LRRFIP1: variants seen among roughly 807,000 people sequenced by gnomAD.
The protein encoded by LRRFIP1 is leucine-rich repeat flightless-interacting protein 1.
In LRRFIP1, 62 loss-of-function variants were observed where a neutral mutation model predicts 104.4. The ratio of observed to expected loss-of-function variants is 0.59; its 90% confidence interval spans 0.48 to 0.73. The LOEUF is 0.73. LRRFIP1 is among the 30% of genes least tolerant of loss of function. The probability of loss-of-function intolerance (pLI) is 0.00; values close to 1 mark genes in which losing one functional copy is unlikely to be tolerated. For missense variants in LRRFIP1, 796 were observed against 824.5 expected, an observed-to-expected ratio of 0.97 and a Z score of 0.42; for synonymous variants, 300 against 299.0, an observed-to-expected ratio of 1.00 and a Z score of -0.03.
At chr2:237,706,365 C>G (rs1008110112) in intron 1 of LRRFIP1, among the ~76,000 whole-genome samples, 2 of 152,132 alleles carry the variant, frequency 1.3e-5, no homozygotes, top group African/African-American at 2.4e-5. Flanking sequence ...TGCATGGCCT[C>G]CCTTCTCTTT....
chr2:237,735,238 G>A lies in LRRFIP1; in HGVS notation c.490-30G>A, dbSNP rs568839525. The A allele has an allele frequency of 8.8e-6, 14 of 1,596,848 alleles. No homozygotes were observed. Among genetic ancestry groups the A allele is most frequent in the Middle Eastern group, 1.7e-4 (1 of 6,024 alleles). On this transcript the variant is annotated intron_variant, in intron 9 of 23. Transcript: ENST00000308482. This position sits in a 1 kb window ranked among gnomAD's most constrained non-coding sequence, Gnocchi z 4.6. ...GGGCACTCTTGGAGAAAGGAAGAGC[G>A]CCCATCCTGACAGTCTCTTTTGGTC...
intron 2 of LRRFIP1, 42 bp from the exon 3 acceptor site, chr2:237,714,217 A>C: frequency 6.8e-7 from 1 of 1,475,706 alleles, no homozygotes; most frequent in East Asian, 2.3e-5. Context: ...TGCTTCTTTA[A>C]TTGGATTTTA....
chr2:237,699,961 C>G (rs578038470), intron 1 of LRRFIP1, among the ~76,000 whole-genome samples: 10 of 152,310 alleles, frequency 6.6e-5, no homozygotes, highest in Non-Finnish European at 7.3e-5. Flanking sequence ...CCCACATGAG[C>G]ATTTCTTTTG....
At chr2:237,773,641 G>A (rs1011724991) in intron 22 of LRRFIP1, among the ~76,000 whole-genome samples, 7 of 152,130 alleles carry the variant, frequency 4.6e-5, no homozygotes, top group African/African-American at 1.4e-4. Flanking sequence ...TTGCAGCGAG[G>A]CCCGCCCTCC....
intron 15 of LRRFIP1, among the ~76,000 whole-genome samples, chr2:237,753,884 T>C (rs919254354): frequency 3.3e-5 from 5 of 151,882 alleles, no homozygotes; most frequent in Admixed American, 6.6e-5. Flanking sequence ...TATGTATGTA[T>C]ATATAATGTA....
rs140463396 is a variant in LRRFIP1, at chr2:237,777,594, C to G, written c.1813-1828C>G. ...TTAACGGTCGGTCCTTTGTAGGGAC[C>G]TTTTTTTTTCTTCTCTAGTTTCTTT... On this transcript the variant is annotated intron_variant, in intron 23 of 23. Transcript: ENST00000308482. 5.1e-3 allele frequency among the ~76,000 whole-genome samples: 768 copies of G among 150,820 alleles called. 4 individuals carry two copies. The highest frequency in any genetic ancestry group is 0.018 in the African/African-American group (739 of 41,094).
intron 15 of LRRFIP1, among the ~76,000 whole-genome samples, chr2:237,755,447 G>T (rs56258701): frequency 0.02 from 2,983 of 152,306 alleles, 44 homozygotes; most frequent in Middle Eastern, 0.044. Context: ...TTGCAGGGCA[G>T]CCTCACCCAG....
rs1210179563 is a variant in LRRFIP1 at position 237,727,860 on chromosome 2, T to C, written c.385-16T>C. The C allele has an allele frequency of 1.9e-6, 3 of 1,597,796 alleles. No individual in the cohort carries two copies. The highest frequency in any genetic ancestry group is 1.1e-5 in the South Asian group (1 of 88,744). On this transcript the variant is annotated splice_polypyrimidine_tract_variant and intron_variant, in intron 7 of 23. Transcript: ENST00000308482. ...GTGTACTGATGTCAGTTTTTCTCTT[T>C]TCTTCATTGAAACAGACAAATGGTT... is the stretch of plus-strand genomic sequence containing the variant.
intron 1 of LRRFIP1, among the ~76,000 whole-genome samples, chr2:237,693,908 G>T (rs1452000376): frequency 6.6e-6 from 1 of 152,176 alleles, no homozygotes; most frequent in Non-Finnish European, 1.5e-5. Flanking sequence ...GGCGGGTCTG[G>T]GTTCAGATGA....
At chr2:237,698,223 A>G (rs1029343663) in intron 1 of LRRFIP1, among the ~76,000 whole-genome samples, 2 of 152,244 alleles carry the variant, frequency 1.3e-5, no homozygotes, top group Admixed American at 1.3e-4. Context: ...TGTACAAATA[A>G]TTCACCTCTG....
rs539603882 is a variant in LRRFIP1 at position 237,640,678 on chromosome 2, T to C, written c.96+12938T>C. Among the ~76,000 whole-genome samples, 6 of 152,356 alleles carry C rather than the reference T, an allele frequency of 3.9e-5. No homozygotes were observed. In the East Asian group the frequency reaches 1.2e-3, roughly 29 times the overall value. ...ACATTGCCGAACTTCTTAAAATAGA[T>C]GACCAGATCATTGTCTTGTTCGGAA... On this transcript the variant is annotated intron_variant, in intron 1 of 23. Coordinates refer to ENST00000308482, the MANE Select transcript of LRRFIP1 (RefSeq NM_001137550.2).
At chr2:237,776,868 G>T (rs2150944103) in intron 23 of LRRFIP1, among the ~76,000 whole-genome samples, 1 of 152,240 alleles carries the variant, frequency 6.6e-6, no homozygotes, top group South Asian at 2.1e-4. Context: ...GATCTTAATA[G>T]AGCCCTTAGT....
chr2:237,755,181 C>T (rs916365793), intron 15 of LRRFIP1, among the ~76,000 whole-genome samples: 2 of 152,336 alleles, frequency 1.3e-5, no homozygotes, highest in South Asian at 2.1e-4. Context: ...GGCAGGAACA[C>T]AGCAGAGCCG....
intron 2 of LRRFIP1, among the ~76,000 whole-genome samples, 165 bp from the exon 3 acceptor site, chr2:237,714,094 T>C (rs2094225434): frequency 6.6e-6 from 1 of 152,228 alleles, no homozygotes; most frequent in African/African-American, 2.4e-5. Flanking sequence ...GTGATAAAAT[T>C]ACAAACTCTT....
chr2:237,763,972 A>G (rs185466953), intron 19 of LRRFIP1: 1 of 1,614,272 alleles, frequency 6.2e-7, no homozygotes, highest in African/African-American at 1.3e-5. Context: ...GTGAGATGTC[A>G]GAACATCCAA....
At chr2:237,700,974 G>C (rs1050306417) in intron 1 of LRRFIP1, among the ~76,000 whole-genome samples, 26 of 152,134 alleles carry the variant, frequency 1.7e-4, no homozygotes, top group African/African-American at 6.3e-4. Context: ...GACCCCTAGG[G>C]TATCACCACA....
intron 2 of LRRFIP1, among the ~76,000 whole-genome samples, chr2:237,709,434 TAGAC>T (rs749624671): frequency 4.8e-4 from 73 of 152,314 alleles, no homozygotes; most frequent in Non-Finnish European, 8.4e-4. Flanking sequence ...TTTATTTTGT[TAGAC>T]AGAAGTAACC....
In LRRFIP1 at chr2:237,720,693, C is replaced by G. The variant is rs2094506669; in HGVS notation, c.295-79C>G. 1.5e-5 allele frequency: 19 copies of G among 1,298,552 alleles called. 1 individual carries two copies. The South Asian group carries it at 2.3e-4, about 15-fold the overall frequency. The allele number at this position is 1,298,552 out of a possible 1,614,324, so 80.4% of individuals were successfully genotyped here. Reference sequence around the variant, plus strand: ...GTGGGTTGGGGTCAGTTCCCAGCATCCCCCTGAAACTTGGGCACTGGTTCT... The same window carrying G: ...GTGGGTTGGGGTCAGTTCCCAGCATGCCCCTGAAACTTGGGCACTGGTTCT... On this transcript the variant is annotated intron_variant, in intron 5 of 23. Transcript: ENST00000308482.
intron 1 of LRRFIP1, among the ~76,000 whole-genome samples, chr2:237,704,816 T>C (rs1186043239): frequency 6.6e-6 from 1 of 151,480 alleles, no homozygotes; most frequent in African/African-American, 2.4e-5. Context: ...GTCTTGGAGG[T>C]GGGCTTGCGT....
Sources: allele counts gnomAD v4.1 joint callset (sites outside exome capture counted in the v4.1 genomes callset), GRCh38; gene constraint gnomAD v4.1.1; non-coding constraint Gnocchi (gnomAD v3.1); transcripts MANE v1.5; gene names NCBI Gene and HGNC (gene_info 2026-07-23, HGNC 2026-07-21).